The following EDAR variants were observed in gnomAD, a reference collection of about 807,000 sequenced individuals.
EDAR encodes the protein ectodysplasin A receptor, also known as tumor necrosis factor receptor superfamily member EDAR.
In EDAR, 38 loss-of-function variants were observed where a neutral mutation model predicts 51.3. The ratio of observed to expected loss-of-function variants is 0.74; its 90% CI spans 0.57 to 0.97. The LOEUF (loss-of-function observed/expected upper bound fraction) is 0.97. Among genes scored for constraint, EDAR ranks in the 50% least tolerant of loss-of-function variants. EDAR has a pLI of 0.00. For missense variants in EDAR, 528 were observed against 595.0 expected (o/e 0.89, Z 1.17); for synonymous variants, 227 against 242.1 (o/e 0.94, Z 0.58).
At chr2:108,915,114 G>T (rs1333090377) in intron 5 of EDAR, among the ~76,000 whole-genome samples, 1 of 152,198 alleles carries the variant, frequency 6.6e-6, no homozygotes, top group Admixed American at 6.5e-5. Flanking sequence ...ACGTTGGCCA[G>T]GCTGGTCTTG....
rs532245580 is a variant in EDAR at position 108,962,814 on chromosome 2, G to A, written c.-19+26146C>T. ...CCAACCGCAGTACCATTCTGTCCAA[G>A]AGACTGAGCAGAGTGATGCTGAATT... On this transcript the variant is annotated intron_variant, in intron 1 of 11. Transcript: ENST00000258443. Among the ~76,000 whole-genome samples, 6 of 151,924 alleles carry A rather than the reference G, an allele frequency of 3.9e-5. No individual in the cohort carries two copies. The South Asian group carries it at 1.0e-3, about 26-fold the overall frequency.
At chr2:108,946,152 C>T (rs1318017676) in intron 1 of EDAR, among the ~76,000 whole-genome samples, 1 of 152,198 alleles carries the variant, frequency 6.6e-6, no homozygotes, top group Non-Finnish European at 1.5e-5. Context: ...GTGAGATGTG[C>T]TCGGAGTGTG....
chr2:108,920,459 A>G (rs1697114586), intron 5 of EDAR, among the ~76,000 whole-genome samples: 3 of 152,198 alleles, frequency 2.0e-5, no homozygotes, highest in Admixed American at 2.0e-4. Flanking sequence ...AAAACCAGAA[A>G]GCTCTGGTCA....
intron 1 of EDAR, among the ~76,000 whole-genome samples, chr2:108,936,075 G>C (rs1439179445): frequency 1.3e-5 from 2 of 152,234 alleles, no homozygotes. Context: ...GCCTCGGCTG[G>C]CAGATGGTCC....
chr2:108,912,337 G>C (rs1025746973), intron 6 of EDAR, among the ~76,000 whole-genome samples: 18 of 152,188 alleles, frequency 1.2e-4, no homozygotes, highest in Non-Finnish European at 2.1e-4. Context: ...ACCAGTGATA[G>C]AATTGCTGTT....
intron 6 of EDAR, among the ~76,000 whole-genome samples, chr2:108,911,411 G>C (rs998984595): frequency 6.6e-6 from 1 of 152,152 alleles, no homozygotes; most frequent in Non-Finnish European, 1.5e-5. Context: ...CAGTGAACAA[G>C]AGTGGCTGGA....
intron 9 of EDAR, among the ~76,000 whole-genome samples, chr2:108,908,886 A>T (rs1167729654): frequency 6.6e-6 from 1 of 152,194 alleles, no homozygotes; most frequent in Admixed American, 6.5e-5. Context: ...AAAGACAATG[A>T]GAACCATCAT....
In EDAR at chr2:108,923,381, G is replaced by T. The variant is rs1423372046; in HGVS notation, c.429C>A (p.Pro143=). 1 of 1,613,590 alleles carries T rather than the reference G, an allele frequency of 6.2e-7. No homozygotes were observed. Among genetic ancestry groups the T allele is most frequent in the Non-Finnish European group, 8.5e-7 (1 of 1,179,594 alleles). Residue 143 remains proline (P), a synonymous_variant, in exon 5 of 12, where the codon CCC becomes CCA. Transcript: ENST00000258443. The part of the protein sequence containing the change: ...MVCYSCLLAP[P]NTKECVGATS... Reference sequence around the variant, plus strand: ...AAAGACACTCACATTCCTTGGTGTTGGGGGGTGCCAGGAGGCAGGAGTAGC... The same window carrying T: ...AAAGACACTCACATTCCTTGGTGTTTGGGGGTGCCAGGAGGCAGGAGTAGC...
At chr2:108,974,346 A>G (rs1366021553) in intron 1 of EDAR, among the ~76,000 whole-genome samples, 1 of 151,198 alleles carries the variant, frequency 6.6e-6, no homozygotes, top group African/African-American at 2.4e-5. Flanking sequence ...AAAAAAAAAA[A>G]AAAAAAAAGA....
chr2:108,921,348 G>A (rs925511435), intron 5 of EDAR, among the ~76,000 whole-genome samples: 1 of 152,228 alleles, frequency 6.6e-6, no homozygotes. Flanking sequence ...TCCTCAGCCA[G>A]GGGCCCTTGG....
chr2:108,948,630 A>G (rs901440688), intron 1 of EDAR, among the ~76,000 whole-genome samples: 6 of 152,166 alleles, frequency 3.9e-5, no homozygotes, highest in African/African-American at 1.4e-4. Flanking sequence ...AGAGAGAGAG[A>G]GTGAAGTGGG....
At position 108,910,551 on chromosome 2, in the gene EDAR, G is replaced by T. The variant is rs746992273; in HGVS notation, c.731-19C>A. ...ACGTTGTCTGCAGGGAAATGGGGAG[G>T]TTGGGGAGATAGGAGTTAGAATTGG... On this transcript the variant is annotated intron_variant, in intron 8 of 11. Coordinates refer to ENST00000258443, the MANE Select transcript of EDAR (RefSeq NM_022336.4). The T allele has an allele frequency of 1.9e-6, 3 of 1,604,882 alleles. No individual in the cohort carries two copies. Among genetic ancestry groups the T allele is most frequent in the South Asian group, 1.1e-5 (1 of 90,646 alleles).
intron 1 of EDAR, among the ~76,000 whole-genome samples, chr2:108,955,902 G>A (rs1313786749): frequency 1.3e-5 from 2 of 151,532 alleles, no homozygotes; most frequent in South Asian, 2.1e-4. Context: ...GGTGGCAGGC[G>A]CCTGTAGTCC....
chr2:108,937,998 A>G lies in EDAR; in HGVS notation c.-18-6966T>C, dbSNP rs1697509901. Among the ~76,000 whole-genome samples the G allele has an allele frequency of 3.3e-5, 5 of 152,252 alleles. 1 individual carries two copies. In the South Asian group the frequency reaches 1.0e-3, roughly 32 times the overall value. ...AGAAAACAGATATTCTTGCACACGT[A>G]GAATAATAAATATAATGCATGAAAC... On this transcript the variant is annotated intron_variant, in intron 1 of 11. Transcript: ENST00000258443.
At chr2:108,962,476 A>T (rs1278332939) in intron 1 of EDAR, among the ~76,000 whole-genome samples, 1 of 152,016 alleles carries the variant, frequency 6.6e-6, no homozygotes, top group East Asian at 1.9e-4. Context: ...GATCGAGACC[A>T]TCCTGGCGAA....
At chr2:108,964,237 TG>T (rs1186279061) in intron 1 of EDAR, among the ~76,000 whole-genome samples, 2 of 152,188 alleles carry the variant, frequency 1.3e-5, no homozygotes, top group African/African-American at 4.8e-5. Flanking sequence ...TATTTACTCC[TG>T]GGGAAACTGA....
chr2:108,912,948 CTTTT>C (rs373117728), intron 5 of EDAR, among the ~76,000 whole-genome samples, 184 bp from the exon 6 acceptor site: 3 of 139,168 alleles, frequency 2.2e-5, no homozygotes, highest in Admixed American at 7.2e-5. Flanking sequence ...CGTTATTGTT[CTTTT>C]TTTTTTTTTT....
intron 1 of EDAR, among the ~76,000 whole-genome samples, chr2:108,955,442 T>C (rs1229261146): frequency 6.6e-6 from 1 of 152,176 alleles, no homozygotes; most frequent in Non-Finnish European, 1.5e-5. Context: ...TGTAGAGACA[T>C]ATATATCTTC....
At chr2:108,926,643 C>T (rs1350738127) in intron 4 of EDAR, among the ~76,000 whole-genome samples, 2 of 152,228 alleles carry the variant, frequency 1.3e-5, no homozygotes, top group African/African-American at 4.8e-5. Context: ...TCCCCCTTTC[C>T]TCCTGTTTTG....
Sources: gnomAD v4.1 joint callset for allele counts (sites outside exome capture counted in the v4.1 genomes callset) on GRCh38, gnomAD v4.1.1 for gene constraint, MANE v1.5 for transcripts, NCBI Gene and HGNC (gene_info 2026-07-23, HGNC 2026-07-21) for gene names.